Variants in RAD17 observed in about 807,000 individuals in gnomAD.
RAD17 encodes the protein cell cycle checkpoint protein RAD17.
In RAD17, 31 loss-of-function variants were observed where a neutral mutation model predicts 81.5. That is an observed-to-expected ratio of 0.38 (90% CI 0.29 to 0.51). The LOEUF (loss-of-function observed/expected upper bound fraction) is 0.51. Among genes scored for constraint, RAD17 ranks in the 20% least tolerant of loss-of-function variants. The probability of loss-of-function intolerance (pLI) is 0.88; values close to 1 mark genes in which losing one functional copy is unlikely to be tolerated. For synonymous variants in RAD17, 261 were observed against 266.2 expected (o/e 0.98, Z 0.19); for missense variants, 681 against 781.2 (o/e 0.87, Z 1.53).
At chr5:69,387,018 G>T (rs768641454) in intron 11 of RAD17, among the ~76,000 whole-genome samples, 1 of 148,746 alleles carries the variant, frequency 6.7e-6, no homozygotes, top group African/African-American at 2.5e-5. Flanking sequence ...TCGACCTCTT[G>T]GGCTCAAGTG....
chr5:69,372,026 T>C lies in RAD17; in HGVS notation c.-175-8T>C. ...TAACTTTGCTGTTTATCTTTCTCTT[T>C]TTTTCAGTATATGGGAGTCCACATT... On this transcript the variant is annotated splice_polypyrimidine_tract_variant and splice_region_variant and intron_variant, in intron 3 of 18. Coordinates refer to ENST00000354868, the MANE Select transcript of RAD17 (RefSeq NM_133338.3). 2 of 1,205,402 alleles carry C rather than the reference T, an allele frequency of 1.7e-6. No homozygotes were observed. Among genetic ancestry groups the C allele is most frequent in the Non-Finnish European group, 2.1e-6 (2 of 936,468 alleles). 74.7% of individuals were successfully genotyped at this position (1,205,402 alleles called of 1,614,324 possible). A position where few individuals can be genotyped will look rare whatever the true frequency, so the allele number is the denominator to read the frequency against.
At chr5:69,373,712 TTTTTA>T (rs879159671) in intron 4 of RAD17, 113 bp from the exon 5 acceptor site, 66,960 of 372,144 alleles carry the variant, frequency 0.18, 9,934 homozygotes, top group Admixed American at 0.37. Flanking sequence ...TTTTTTTTTT[TTTTTA>T]AGTTTTAAAG....
In RAD17 at chr5:69,393,417, A is replaced by G. The variant is rs1043401746; in HGVS notation, c.1339A>G (p.Ile447Val). ...LFNLYLHQNYIDFFMEIDDIV... is the reference protein window; with the variant it reads ...LFNLYLHQNYVDFFMEIDDIV... ...TAATTTATATCTTCACCAAAACTACATAGATTTCTTCATGGAAATTGATGA... is the reference window on the plus strand; with the variant it reads ...TAATTTATATCTTCACCAAAACTACGTAGATTTCTTCATGGAAATTGATGA... The change falls in exon 15 of 19, where the codon ATA (isoleucine) becomes GTA (valine). Residue 447 changes from isoleucine to valine, a missense_variant. Transcript: ENST00000354868. The G allele has an allele frequency of 1.9e-6, 3 of 1,607,060 alleles. No homozygotes were observed. Among genetic ancestry groups the G allele is most frequent in the South Asian group, 1.1e-5 (1 of 90,442 alleles).
chr5:69,384,723 T>C, intron 7 of RAD17, 74 bp from the exon 8 acceptor site: 1 of 1,339,120 alleles, frequency 7.5e-7, no homozygotes, highest in East Asian at 2.4e-5. Context: ...AGTATGTGTG[T>C]GTGTACATAC....
intron 6 of RAD17, among the ~76,000 whole-genome samples, chr5:69,375,208 C>G (rs1249542040): frequency 1.3e-5 from 2 of 152,172 alleles, no homozygotes; most frequent in East Asian, 3.8e-4. Flanking sequence ...TTTGAGTTTT[C>G]CCCTTTATTT....
chr5:69,377,474 T>TATATATAC (rs1322869343), intron 6 of RAD17, among the ~76,000 whole-genome samples: 19 of 10,178 alleles, frequency 1.9e-3, no homozygotes, highest in African/African-American at 3.1e-3. Flanking sequence ...TATATATATA[T>TATATATAC]ACACACACAC....
Position 69,384,898 on chromosome 5 carries a change from G to T in RAD17, c.610G>T (p.Asp204Tyr), listed in dbSNP as rs769241369. 1.9e-6 allele frequency: 3 copies of T among 1,607,732 alleles called. No individual in the cohort carries two copies. Among genetic ancestry groups the T allele is most frequent in the Middle Eastern group, 1.7e-4 (1 of 5,938 alleles). Residue 204 changes from aspartate to tyrosine, a missense_variant, in exon 8 of 19, where the codon GAT becomes TAT. Physicochemically the swap from Asp to Tyr is radical, Grantham distance 160. Transcript: ENST00000354868. ...TAACAAGTTACAAATGCTTGGAGAT[G>T]ATCTGAGAACTGATAAGAAGATAAT... The part of the protein sequence containing the change: ...KYNKLQMLGD[D>Y]LRTDKKIILV...
intron 1 of RAD17, chr5:69,370,148 A>G (rs1762846568): frequency 5.5e-6 from 1 of 181,168 alleles, no homozygotes; most frequent in Non-Finnish European, 1.1e-5. Flanking sequence ...CGTTGGACGA[A>G]TATTTGAGCT....
intron 7 of RAD17, chr5:69,384,295 G>A (rs1561247918): frequency 6.5e-6 from 1 of 152,756 alleles, no homozygotes; most frequent in African/African-American, 2.4e-5. Flanking sequence ...TATACCGACA[G>A]CTGTGTTCTT....
chr5:69,393,334 A>G lies in RAD17; in HGVS notation c.1276-20A>G, dbSNP rs1254689150. 1 of 1,583,460 alleles carries G rather than the reference A, an allele frequency of 6.3e-7. No homozygotes were observed. The highest frequency in any genetic ancestry group is 8.6e-7 in the Non-Finnish European group (1 of 1,161,328). On this transcript the variant is annotated intron_variant, in intron 14 of 18. Coordinates refer to ENST00000354868, the MANE Select transcript of RAD17 (RefSeq NM_133338.3). ...CATTGCATTTTTACCAAATTTATGT[A>G]TATATGCTTCTTTTTATAGGAGGTA...
chr5:69,402,675 T>G (rs2150867558), intron 17 of RAD17, among the ~76,000 whole-genome samples: 1 of 152,088 alleles, frequency 6.6e-6, no homozygotes, highest in South Asian at 2.1e-4. Flanking sequence ...AAAAATTATT[T>G]TAAATGTAAG....
chr5:69,404,527 G>A (rs1384909787), intron 17 of RAD17, among the ~76,000 whole-genome samples: 1 of 151,952 alleles, frequency 6.6e-6, no homozygotes, highest in East Asian at 1.9e-4. Context: ...CAGCACTTTG[G>A]TTGGCCGAGG....
At position 69,389,028 on chromosome 5, in the gene RAD17, T is replaced by G. The variant is rs1163587056; in HGVS notation, c.895-6T>G. The stretch of plus-strand genomic sequence containing the variant: ...CTTTTTTTTAAATTTAATTTTCTTA[T>G]TTTAGAATGGAGGAAAAATTACTGT... On this transcript the variant is annotated splice_region_variant and splice_polypyrimidine_tract_variant and intron_variant, in intron 11 of 18. Coordinates refer to ENST00000354868, the MANE Select transcript of RAD17 (RefSeq NM_133338.3). 1 of 1,423,368 alleles carries G rather than the reference T, an allele frequency of 7.0e-7. No homozygotes were observed. Among genetic ancestry groups the G allele is most frequent in the African/African-American group, 1.5e-5 (1 of 68,236 alleles). 88.2% of individuals were successfully genotyped at this position (1,423,368 alleles called of 1,614,324 possible).
At chr5:69,409,895 A>T (rs578063352) in intron 17 of RAD17, among the ~76,000 whole-genome samples, 1 of 152,294 alleles carries the variant, frequency 6.6e-6, no homozygotes, top group South Asian at 2.1e-4. Flanking sequence ...TATGACTCTA[A>T]ATACTTCATA....
At chr5:69,402,641 T>A (rs1216251312) in intron 17 of RAD17, among the ~76,000 whole-genome samples, 3 of 141,134 alleles carry the variant, frequency 2.1e-5, no homozygotes, top group African/African-American at 7.8e-5. Flanking sequence ...GGAGACAGAG[T>A]GAGACTCTGT....
chr5:69,369,509 T>C (rs1762767802), upstream of RAD17: 4 of 1,611,062 alleles, frequency 2.5e-6, no homozygotes, highest in African/African-American at 1.3e-5. Context: ...CCGCGACGGC[T>C]TCGGGCGCCT....
At chr5:69,410,650 A>T (rs1580449908) in intron 18 of RAD17, 100 bp downstream of exon 18, 1 of 1,066,578 alleles carries the variant, frequency 9.4e-7, no homozygotes, top group Non-Finnish European at 1.4e-6. Flanking sequence ...TCCAAGAAAG[A>T]CATACTGTAC....
In RAD17 at chr5:69,414,136, TGAACCCACTCAAG is replaced by T; in HGVS notation, c.1858_1870del (p.Glu620ProfsTer11). The T allele has an allele frequency of 6.2e-7, 1 of 1,614,234 alleles. No homozygotes were observed. The highest frequency in any genetic ancestry group is 8.5e-7 in the Non-Finnish European group (1 of 1,180,044). ...GACATTCTGCAGAGGAATCTCTGGG[TGAACCCACTCAAG>T]CCACTGTGCCGGAAACCTGGTCTCT... is the stretch of plus-strand genomic sequence containing the variant. On this transcript the variant is annotated frameshift_variant, in exon 19 of 19. Transcript: ENST00000354868. LOFTEE classifies it low-confidence loss of function (END_TRUNC).
chr5:69,409,288 TG>T (rs1249409443), intron 17 of RAD17, among the ~76,000 whole-genome samples: 1 of 152,108 alleles, frequency 6.6e-6, no homozygotes, highest in Non-Finnish European at 1.5e-5. Context: ...ACAGTGCCTT[TG>T]GGTTAGAACC....
Sources: allele counts gnomAD v4.1 joint callset (sites outside exome capture counted in the v4.1 genomes callset), GRCh38; gene constraint gnomAD v4.1.1; transcripts MANE v1.5; gene names NCBI Gene and HGNC (gene_info 2026-07-23, HGNC 2026-07-21).